Variants in PCDH7 observed in about 807,000 individuals in gnomAD.
The protein encoded by PCDH7 is protocadherin-7.
PCDH7 carries 17 observed loss-of-function variants against 58.9 expected under a neutral mutation model. That is an observed-to-expected ratio of 0.29 (90% CI 0.20 to 0.43). The LOEUF (loss-of-function observed/expected upper bound fraction) is 0.43. Among genes scored for constraint, PCDH7 ranks in the 20% least tolerant of loss-of-function variants. The pLI is 1.00. For missense variants in PCDH7, 1,274 were observed against 1,441.0 expected, an observed-to-expected ratio of 0.88 and a Z score of 1.88; for synonymous variants, 664 against 616.4, an observed-to-expected ratio of 1.08 and a Z score of -1.14.
chr4:30,791,516 A>C (rs2109298861), intron 1 of PCDH7, among the ~76,000 whole-genome samples: 1 of 152,328 alleles, frequency 6.6e-6, no homozygotes, highest in Non-Finnish European at 1.5e-5. Flanking sequence ...AGAGTGTAGT[A>C]GTTGCAGACT....
rs572522701 is a variant in PCDH7, at chr4:30,941,261, A to T, written c.288-8859A>T. The stretch of plus-strand genomic sequence containing the variant: ...CTGTTTTACTTTTCTTCCATTCTAC[A>T]TGTCTGTGAATAACCATTCCTTGAA... On this transcript the variant is annotated intron_variant, in intron 2 of 3. Transcript: ENST00000509759. 5.3e-5 allele frequency among the ~76,000 whole-genome samples: 8 copies of T among 152,100 alleles called. No homozygotes were observed. The East Asian group carries it at 1.4e-3, about 26-fold the overall frequency.
intron 2 of PCDH7, among the ~76,000 whole-genome samples, chr4:30,940,237 G>C (rs566249231): frequency 1.8e-4 from 27 of 151,896 alleles, no homozygotes; most frequent in African/African-American, 6.5e-4. Context: ...AGAGTAGATT[G>C]CTTTTTTTGT....
chr4:31,061,500 A>T (rs967609913), intron 3 of PCDH7, among the ~76,000 whole-genome samples: 3 of 151,486 alleles, frequency 2.0e-5, no homozygotes, highest in African/African-American at 7.3e-5. Context: ...AGAAAATATA[A>T]AATTATACTT....
At chr4:30,908,512 T>A (rs1440497406) in intron 1 of PCDH7, among the ~76,000 whole-genome samples, 2 of 151,902 alleles carry the variant, frequency 1.3e-5, no homozygotes, top group Admixed American at 6.6e-5. Context: ...ACAACAAAGA[T>A]TAAATCAACT....
At chr4:31,019,680 T>A (rs1486180997) in intron 3 of PCDH7, among the ~76,000 whole-genome samples, 2 of 148,804 alleles carry the variant, frequency 1.3e-5, no homozygotes, top group Admixed American at 6.7e-5. Flanking sequence ...AGAGCGAGAC[T>A]CTGTCAAAAA....
chr4:30,873,578 T>C (rs2109364019), intron 1 of PCDH7, among the ~76,000 whole-genome samples: 1 of 152,126 alleles, frequency 6.6e-6, no homozygotes, highest in South Asian at 2.1e-4. Context: ...CTCACTTTTC[T>C]TAAATTAAGA....
At chr4:30,726,094 C>G (rs1347374691) in intron 1 of PCDH7, among the ~76,000 whole-genome samples, 1 of 151,902 alleles carries the variant, frequency 6.6e-6, no homozygotes, top group Non-Finnish European at 1.5e-5. Context: ...GTGTTTATAT[C>G]TGTTGTATTA....
chr4:31,001,913 T>A (rs542245282), intron 3 of PCDH7, among the ~76,000 whole-genome samples: 1 of 152,202 alleles, frequency 6.6e-6, no homozygotes, highest in African/African-American at 2.4e-5. Context: ...TATTAACCAA[T>A]TGCAAACAAG....
intron 1 of PCDH7, among the ~76,000 whole-genome samples, chr4:30,740,285 C>T (rs1418240661): frequency 6.6e-6 from 1 of 152,150 alleles, no homozygotes; most frequent in Non-Finnish European, 1.5e-5. Context: ...TTCAACCTTG[C>T]TATTTTAGTA....
chr4:30,938,770 C>A (rs1455201896), intron 2 of PCDH7, among the ~76,000 whole-genome samples: 4 of 151,792 alleles, frequency 2.6e-5, no homozygotes, highest in Non-Finnish European at 5.9e-5. Flanking sequence ...AACATATGTG[C>A]CTTAAAATTT....
intron 3 of PCDH7, among the ~76,000 whole-genome samples, chr4:30,973,324 G>T (rs1367251903): frequency 3.3e-5 from 5 of 152,172 alleles, no homozygotes; most frequent in African/African-American, 4.8e-5. Context: ...GGGGATATTG[G>T]TGTGAGAGTG....
chr4:30,740,784 T>TAGTC (rs1202860279), intron 1 of PCDH7, among the ~76,000 whole-genome samples: 10 of 151,998 alleles, frequency 6.6e-5, no homozygotes, highest in African/African-American at 2.4e-4. Flanking sequence ...CGTTATTAAA[T>TAGTC]AGTCAATTAA....
intron 1 of PCDH7, among the ~76,000 whole-genome samples, chr4:30,885,541 T>A (rs1737603766): frequency 6.6e-6 from 1 of 152,134 alleles, no homozygotes; most frequent in African/African-American, 2.4e-5. Context: ...TGTGTGTGCA[T>A]GTGTGTGCAG....
At chr4:31,004,005 T>G (rs1407073074) in intron 3 of PCDH7, among the ~76,000 whole-genome samples, 5 of 152,072 alleles carry the variant, frequency 3.3e-5, no homozygotes, top group Non-Finnish European at 5.9e-5. Flanking sequence ...AATGTCATTC[T>G]CCCCACAATC....
intron 2 of PCDH7, among the ~76,000 whole-genome samples, chr4:30,926,099 T>G (rs755758271): frequency 2.0e-5 from 3 of 152,164 alleles, no homozygotes; most frequent in Non-Finnish European, 4.4e-5. Flanking sequence ...AGTAATAAGT[T>G]GTATTTTCAC....
At chr4:30,812,808 A>G (rs1485073595) in intron 1 of PCDH7, among the ~76,000 whole-genome samples, 1 of 152,190 alleles carries the variant, frequency 6.6e-6, no homozygotes, top group Non-Finnish European at 1.5e-5. Flanking sequence ...TTTTCTTGTT[A>G]TTATAAAAGC....
intron 1 of PCDH7, among the ~76,000 whole-genome samples, chr4:30,795,663 A>T (rs944064629): frequency 6.6e-6 from 1 of 152,138 alleles, no homozygotes; most frequent in East Asian, 1.9e-4. Context: ...TTTAAACCCT[A>T]ATTTCCCTAA....
intron 1 of PCDH7, among the ~76,000 whole-genome samples, chr4:30,819,296 G>A (rs1405902296): frequency 1.3e-5 from 2 of 152,140 alleles, no homozygotes; most frequent in African/African-American, 4.8e-5. Context: ...TTGCTGCATT[G>A]AAATTAGAGA....
intron 3 of PCDH7, among the ~76,000 whole-genome samples, chr4:30,989,675 A>G (rs1751288247): frequency 6.6e-6 from 1 of 152,134 alleles, no homozygotes; most frequent in Admixed American, 6.5e-5. Flanking sequence ...CTGGTCTAAC[A>G]CTCAATGAGT....
Sources: allele counts gnomAD v4.1 joint callset (sites outside exome capture counted in the v4.1 genomes callset), GRCh38; gene constraint gnomAD v4.1.1; transcripts MANE v1.5; gene names NCBI Gene and HGNC (gene_info 2026-07-23, HGNC 2026-07-21).